PACS1: variants seen among roughly 807,000 people sequenced by gnomAD.
The protein encoded by PACS1 is phosphofurin acidic cluster sorting protein 1, also known as PACS-1.
Under a neutral mutation model 115.0 loss-of-function variants are expected in PACS1, and 24 were observed. The ratio of observed to expected loss-of-function variants is 0.21; its 90% CI spans 0.15 to 0.29. PACS1 has a LOEUF of 0.29. Among genes scored for constraint, PACS1 ranks in the 10% least tolerant of loss-of-function variants. The pLI, the probability that PACS1 is intolerant of heterozygous loss-of-function variation, is 1.00. For missense variants in PACS1, 838 were observed against 1,251.2 expected (o/e 0.67, Z 4.98); for synonymous variants, 453 against 504.5 (o/e 0.90, Z 1.37).
At chr11:66,166,966 A>G (rs1174718286) in intron 1 of PACS1, among the ~76,000 whole-genome samples, 2 of 150,260 alleles carry the variant, frequency 1.3e-5, no homozygotes, top group Non-Finnish European at 2.9e-5. Flanking sequence ...TGGACTTCAC[A>G]TATGTTTAGC....
At chr11:66,178,318 T>G (rs529151813) in intron 1 of PACS1, among the ~76,000 whole-genome samples, 116 of 152,314 alleles carry the variant, frequency 7.6e-4, no homozygotes, top group Non-Finnish European at 1.3e-3. Flanking sequence ...TAGTGTTGCA[T>G]GTTTTGAGCT....
At chr11:66,181,082 C>G (rs1049876991) in intron 1 of PACS1, among the ~76,000 whole-genome samples, 12 of 152,026 alleles carry the variant, frequency 7.9e-5, no homozygotes, top group African/African-American at 2.9e-4. Context: ...TCTGGTCTCT[C>G]ATTGTTAATC....
At chr11:66,083,380 C>T (rs188083216) in intron 1 of PACS1, among the ~76,000 whole-genome samples, 13 of 152,194 alleles carry the variant, frequency 8.5e-5, no homozygotes, top group African/African-American at 2.4e-4. Context: ...CCTATCTCTC[C>T]TTTTAAAAAA....
At chr11:66,238,289 T>C in intron 19 of PACS1, 1 of 985,378 alleles carries the variant, frequency 1.0e-6, no homozygotes, top group Non-Finnish European at 1.2e-6. Flanking sequence ...CAGAGCCATC[T>C]TCCTAGGCCC....
In PACS1 at chr11:66,244,228, T is replaced by C. The variant is rs1453527957; in HGVS notation, c.*948T>C. ...ATGCTGTCTGTGGCCCCTCAGACAT[T>C]CTGTTTCATCTCCCATTCATCTCCC... On this transcript the variant is annotated 3_prime_UTR_variant, in exon 24 of 24. Transcript: ENST00000320580. 6.6e-6 allele frequency: 1 copy of C among 152,308 alleles called. No individual in the cohort carries two copies. 9.4% of individuals were successfully genotyped at this position (152,308 alleles called of 1,614,324 possible). A position where few individuals can be genotyped will look rare whatever the true frequency, so the allele number is the denominator to read the frequency against.
chr11:66,134,867 C>T (rs1300671120), intron 1 of PACS1, among the ~76,000 whole-genome samples: 1 of 152,074 alleles, frequency 6.6e-6, no homozygotes, highest in African/African-American at 2.4e-5. Flanking sequence ...TTCTTATCTC[C>T]TCTTTGGGTT....
At position 66,220,690 on chromosome 11, in the gene PACS1, G is replaced by C. The variant is rs778653156; in HGVS notation, c.1098G>C (p.Leu366Phe). The C allele has an allele frequency of 2.8e-5, 45 of 1,614,058 alleles. No individual in the cohort carries two copies. Among genetic ancestry groups the C allele is most frequent in the Non-Finnish European group, 3.6e-5 (42 of 1,180,022 alleles). Residue 366 changes from leucine to phenylalanine, a missense_variant, in exon 9 of 24, where the codon TTG (leucine) becomes TTC (phenylalanine). Coordinates refer to ENST00000320580, the MANE Select transcript of PACS1 (RefSeq NM_018026.4). ...REQIREVEED[L>F]DELYDSLEMY... ...AGATCCGGGAAGTGGAAGAGGACTT[G>C]GATGAATTGTATGACAGTCTGGAGA...
At chr11:66,082,401 G>A (rs766102162) in intron 1 of PACS1, among the ~76,000 whole-genome samples, 27 of 152,068 alleles carry the variant, frequency 1.8e-4, no homozygotes, top group Non-Finnish European at 2.6e-4. Flanking sequence ...TATTTATAGA[G>A]ATGGGGTTTT....
rs1324297286 is a variant in PACS1 at position 66,239,322 on chromosome 11, C to G, written c.2429+45C>G. The G allele has an allele frequency of 3.2e-6, 5 of 1,574,068 alleles. No homozygotes were observed. In the East Asian group the frequency reaches 1.1e-4, roughly 36 times the overall value. On this transcript the variant is annotated intron_variant, in intron 21 of 23. Coordinates refer to ENST00000320580, the MANE Select transcript of PACS1 (RefSeq NM_018026.4). ...CTGTCCTGCCATGCCCTCCATCAGG[C>G]CCACCCGGCTGATTCCAGTGACAGG...
chr11:66,088,131 C>A lies in PACS1; in HGVS notation c.356+17289C>A, dbSNP rs777141257. 6.9e-4 allele frequency among the ~76,000 whole-genome samples: 105 copies of A among 151,730 alleles called. 1 individual carries two copies. The highest frequency in any genetic ancestry group is 2.4e-3 in the Admixed American group (37 of 15,238). ...TAGGAGTTGTTTTTCTCAAAAATAT[C>A]TTCTCATACTCTGTGTGTTCCTTTT... On this transcript the variant is annotated intron_variant, in intron 1 of 23. Coordinates refer to ENST00000320580, the MANE Select transcript of PACS1 (RefSeq NM_018026.4).
intron 1 of PACS1, among the ~76,000 whole-genome samples, chr11:66,158,927 A>G (rs779111891): frequency 3.3e-5 from 5 of 152,226 alleles, no homozygotes; most frequent in Non-Finnish European, 5.9e-5. Context: ...GTACATTGTC[A>G]TGAAATTTTG....
At chr11:66,125,142 T>C (rs1858541546) in intron 1 of PACS1, among the ~76,000 whole-genome samples, 1 of 152,122 alleles carries the variant, frequency 6.6e-6, no homozygotes, top group South Asian at 2.1e-4. Flanking sequence ...GGGGCTAAGC[T>C]ATGAGGATGC....
intron 1 of PACS1, among the ~76,000 whole-genome samples, chr11:66,186,988 A>G (rs1399075456): frequency 6.6e-6 from 1 of 152,156 alleles, no homozygotes; most frequent in Non-Finnish European, 1.5e-5. Flanking sequence ...GGATGGTAAG[A>G]CAGTACGTGG....
Position 66,070,730 on chromosome 11 carries a change from T to C in PACS1, c.244T>C (p.Ser82Pro). Residue 82 changes from serine to proline, a missense_variant, in exon 1 of 24, where the codon TCG becomes CCG. Ser to Pro is a moderately conservative substitution (Grantham distance 74). This residue lies in a region of PACS1 where 129 missense variants were observed against 109.4 expected (regional missense o/e 1.18). Transcript: ENST00000320580. This position sits in a 1 kb window ranked among gnomAD's most constrained non-coding sequence, Gnocchi z 5.9. ...CACCTCCATGGCCGTGGCGGTGGCC[T>C]CGGGCTCCGCGCCTCCCGGTGGCCC... Reference protein sequence around the residue: ...TSTSMAVAVASGSAPPGGPGP... With the variant: ...TSTSMAVAVAPGSAPPGGPGP... The C allele has an allele frequency of 6.4e-7, 1 of 1,567,452 alleles. No homozygotes were observed. Among genetic ancestry groups the C allele is most frequent in the African/African-American group, 1.4e-5 (1 of 71,468 alleles).
rs1040018960 is a variant in PACS1, at chr11:66,242,868, C to T, written c.2657-44C>T. The stretch of plus-strand genomic sequence containing the variant: ...CGGCTGGGGAGGAGAGGGGTGGCGG[C>T]TTCCCCAGGGGCTGGGACACAGGTG... On this transcript the variant is annotated intron_variant, in intron 22 of 23. Coordinates refer to ENST00000320580, the MANE Select transcript of PACS1 (RefSeq NM_018026.4). 6.8e-6 allele frequency: 11 copies of T among 1,611,410 alleles called. No individual in the cohort carries two copies. In the African/African-American group the frequency reaches 1.5e-4, roughly 22 times the overall value.
At chr11:66,171,868 C>T (rs544614677) in intron 1 of PACS1, among the ~76,000 whole-genome samples, 5 of 152,094 alleles carry the variant, frequency 3.3e-5, no homozygotes, top group Non-Finnish European at 5.9e-5. Context: ...CTTGAGCCAC[C>T]GCGCCCGGCC....
intron 1 of PACS1, among the ~76,000 whole-genome samples, chr11:66,103,711 A>G (rs1857971931): frequency 6.6e-6 from 1 of 151,704 alleles, no homozygotes; most frequent in African/African-American, 2.4e-5. Flanking sequence ...ACGGGGTTTC[A>G]CCATGTTGGC....
At chr11:66,155,757 G>T (rs1458390633) in intron 1 of PACS1, among the ~76,000 whole-genome samples, 1 of 152,128 alleles carries the variant, frequency 6.6e-6, no homozygotes, top group Non-Finnish European at 1.5e-5. Flanking sequence ...GAATGAAAAC[G>T]CAGAGGCTTC....
intron 4 of PACS1, among the ~76,000 whole-genome samples, chr11:66,211,691 A>G (rs1460173573): frequency 1.3e-5 from 2 of 152,128 alleles, no homozygotes; most frequent in Admixed American, 1.3e-4. Flanking sequence ...CACCACGTTA[A>G]TTTCCTTAAC....
Sources: allele counts gnomAD v4.1 joint callset (sites outside exome capture counted in the v4.1 genomes callset), GRCh38; gene constraint gnomAD v4.1.1; regional missense constraint gnomAD v4.1.1; non-coding constraint Gnocchi (gnomAD v3.1); transcripts MANE v1.5; gene names NCBI Gene and HGNC (gene_info 2026-07-23, HGNC 2026-07-21).